The following IL1RAPL2 variants were observed in gnomAD, a reference collection of about 807,000 sequenced individuals.
IL1RAPL2 encodes the protein interleukin 1 receptor accessory protein like 2, also known as X-linked interleukin-1 receptor accessory protein-like 2.
A neutral mutation model predicts 44.1 loss-of-function variants in IL1RAPL2; 3 were observed. That is an observed-to-expected ratio of 0.07 (90% CI 0.03 to 0.18). The LOEUF is 0.18. Ranked by LOEUF, IL1RAPL2 falls within the 10% of genes least tolerant of loss-of-function variation. The pLI, the probability that IL1RAPL2 is intolerant of heterozygous loss-of-function variation, is 1.00. For missense variants in IL1RAPL2, 391 were observed against 496.4 expected, an observed-to-expected ratio of 0.79 and a Z score of 2.02; for synonymous variants, 181 against 178.8, an observed-to-expected ratio of 1.01 and a Z score of -0.10.
intron 5 of IL1RAPL2, among the ~76,000 whole-genome samples, chrX:105,401,236 A>G (rs1035764209): frequency 7.2e-5 from 8 of 111,281 alleles, no homozygotes; most frequent in African/African-American, 2.0e-4. Context: ...AAATATAGCA[A>G]TCATCACAGA....
chrX:105,153,358 A>G (rs994396627), intron 2 of IL1RAPL2, among the ~76,000 whole-genome samples: 10 of 112,373 alleles, frequency 8.9e-5, no homozygotes, highest in African/African-American at 2.9e-4. Flanking sequence ...ATTACTTCCA[A>G]TAGATGAGGA....
chrX:105,384,412 T>C (rs2147725802), intron 5 of IL1RAPL2, among the ~76,000 whole-genome samples: 1 of 111,659 alleles, frequency 9.0e-6, no homozygotes, highest in South Asian at 3.7e-4. Context: ...TGAAATAAGT[T>C]GCCTGTAGCT....
chrX:105,015,453 C>G (rs1233245915), intron 2 of IL1RAPL2, among the ~76,000 whole-genome samples: 2 of 111,742 alleles, frequency 1.8e-5, no homozygotes, highest in African/African-American at 3.3e-5. Context: ...TTAGGTCTTA[C>G]ATTTAAGTCT....
chrX:105,002,320 T>G (rs755190524), intron 2 of IL1RAPL2, among the ~76,000 whole-genome samples: 1 of 111,034 alleles, frequency 9.0e-6, no homozygotes, highest in Non-Finnish European at 1.9e-5. Flanking sequence ...AAGATAAGCC[T>G]GACAAAGAAG....
chrX:105,168,101 A>G (rs2033387007), intron 2 of IL1RAPL2, among the ~76,000 whole-genome samples: 1 of 111,939 alleles, frequency 8.9e-6, no homozygotes, highest in East Asian at 2.8e-4. Flanking sequence ...TTTAACAACC[A>G]TTATGTCAGA....
chrX:105,566,492 T>G (rs1034993175), intron 6 of IL1RAPL2, among the ~76,000 whole-genome samples: 9 of 111,619 alleles, frequency 8.1e-5, no homozygotes, highest in Middle Eastern at 9.2e-3. Flanking sequence ...TCTTCATCAT[T>G]GGCTGCCCTT....
rs1569344201 is a variant in IL1RAPL2, at chrX:104,926,456, CT to C, written c.82+267462del. Among the ~76,000 whole-genome samples, 4 of 111,572 alleles carry C rather than the reference CT, an allele frequency of 3.6e-5. No individual in the cohort carries two copies. The Admixed American group carries it at 3.8e-4, about 11-fold the overall frequency. ...CTTTTGAAAAACATAATCTAGGCCCCTATTTGTATCATCACGGTTATCAAAC... is the reference window on the plus strand; with the variant it reads ...CTTTTGAAAAACATAATCTAGGCCCCATTTGTATCATCACGGTTATCAAAC... On this transcript the variant is annotated intron_variant, in intron 2 of 10. Coordinates refer to ENST00000372582, the MANE Select transcript of IL1RAPL2 (RefSeq NM_017416.2).
intron 2 of IL1RAPL2, among the ~76,000 whole-genome samples, chrX:105,142,597 A>AT (rs372816147): frequency 3.4e-4 from 34 of 101,224 alleles, no homozygotes; most frequent in African/African-American, 6.5e-4. Context: ...AATCTGTGAC[A>AT]TTTTTTTTTT....
chrX:105,098,493 C>CAAAT (rs2032631366), intron 2 of IL1RAPL2, among the ~76,000 whole-genome samples: 1 of 111,863 alleles, frequency 8.9e-6, no homozygotes. Flanking sequence ...AATATATTTT[C>CAAAT]AAATAGTAAC....
chrX:105,726,793 C>T (rs751219907), intron 7 of IL1RAPL2, among the ~76,000 whole-genome samples: 1 of 110,860 alleles, frequency 9.0e-6, no homozygotes, highest in African/African-American at 3.3e-5. Flanking sequence ...AGGATTTACC[C>T]CTGCTTCCCT....
At chrX:105,180,365 AAG>A (rs1556130087) in intron 2 of IL1RAPL2, among the ~76,000 whole-genome samples, 8 of 111,114 alleles carry the variant, frequency 7.2e-5, no homozygotes, top group African/African-American at 2.6e-4. Flanking sequence ...ACAAAAAAAA[AAG>A]AAAAGAAAAA....
At chrX:105,047,409 TTC>T (rs1014907477) in intron 2 of IL1RAPL2, among the ~76,000 whole-genome samples, 12 of 111,758 alleles carry the variant, frequency 1.1e-4, no homozygotes, top group African/African-American at 2.3e-4. Context: ...CGGAAAATAT[TTC>T]TGTTTGGTTT....
At chrX:104,972,461 T>C (rs1479941603) in intron 2 of IL1RAPL2, among the ~76,000 whole-genome samples, 1 of 110,722 alleles carries the variant, frequency 9.0e-6, no homozygotes, top group East Asian at 2.9e-4. Context: ...AAGTAGGGAG[T>C]TTTGGATACT....
At chrX:104,842,600 G>A (rs757056245) in intron 2 of IL1RAPL2, among the ~76,000 whole-genome samples, 2 of 112,219 alleles carry the variant, frequency 1.8e-5, no homozygotes, top group South Asian at 3.7e-4. Flanking sequence ...TTTTGATGTC[G>A]TTGTTGTTGT....
intron 6 of IL1RAPL2, among the ~76,000 whole-genome samples, chrX:105,683,546 TAC>T (rs386826772): frequency 8.4e-5 from 6 of 71,492 alleles, no homozygotes; most frequent in Admixed American, 1.2e-4. Flanking sequence ...CAATAGAACC[TAC>T]AAAAAAAAAA....
chrX:105,685,847 G>T (rs1016917280), intron 6 of IL1RAPL2, among the ~76,000 whole-genome samples: 2 of 111,918 alleles, frequency 1.8e-5, no homozygotes, highest in Non-Finnish European at 3.8e-5. Flanking sequence ...GACTAACAGC[G>T]AATCTCTCAG....
At chrX:105,109,943 C>T (rs754125140) in intron 2 of IL1RAPL2, among the ~76,000 whole-genome samples, 4 of 111,780 alleles carry the variant, frequency 3.6e-5, no homozygotes, top group East Asian at 2.8e-4. Flanking sequence ...CCTTAGGAAC[C>T]GGCAACTGAA....
In IL1RAPL2 at chrX:105,132,665, A is replaced by G. The variant is rs1381562938; in HGVS notation, c.83-62810A>G. ...GAGTTCCCTTATATAAAGTTATCCT[A>G]TAAGAGAACCAAGGAAAGTATTCTT... On this transcript the variant is annotated intron_variant, in intron 2 of 10. Transcript: ENST00000372582. Among the ~76,000 whole-genome samples, 43 of 111,576 alleles carry G rather than the reference A, an allele frequency of 3.9e-4. 1 individual carries two copies. Among genetic ancestry groups the G allele is most frequent in the Non-Finnish European group, 3.8e-5 (2 of 52,913 alleles).
rs2033802606 is a variant in IL1RAPL2, at chrX:105,210,824, T to G, written c.356+15076T>G. 2.7e-5 allele frequency among the ~76,000 whole-genome samples: 3 copies of G among 111,262 alleles called. No individual in the cohort carries two copies. In the South Asian group the frequency reaches 1.2e-3, roughly 43 times the overall value. Reference sequence around the variant, plus strand: ...AGGGCCATGACAGCTTCTTAGTCACTAGGTCCACATGCCCCAGGTGATGTC... The same window carrying G: ...AGGGCCATGACAGCTTCTTAGTCACGAGGTCCACATGCCCCAGGTGATGTC... On this transcript the variant is annotated intron_variant, in intron 3 of 10. Coordinates refer to ENST00000372582, the MANE Select transcript of IL1RAPL2 (RefSeq NM_017416.2).
Sources: gnomAD v4.1 joint callset for allele counts (sites outside exome capture counted in the v4.1 genomes callset) on GRCh38, gnomAD v4.1.1 for gene constraint, MANE v1.5 for transcripts, NCBI Gene and HGNC (gene_info 2026-07-23, HGNC 2026-07-21) for gene names.